The following PHTF2 variants were observed in gnomAD, a reference collection of about 807,000 sequenced individuals.
The protein encoded by PHTF2 is putative homeodomain transcription factor 2.
PHTF2 carries 60 observed loss-of-function variants against 101.2 expected under a neutral mutation model. That is an observed-to-expected ratio of 0.59 (90% CI 0.48 to 0.73). The LOEUF (loss-of-function observed/expected upper bound fraction) is 0.73, where lower values mean the gene tolerates loss of function less well. Among genes scored for constraint, PHTF2 ranks in the 30% least tolerant of loss-of-function variants. The probability of loss-of-function intolerance (pLI) is 0.00; values close to 1 mark genes in which losing one functional copy is unlikely to be tolerated. For synonymous variants in PHTF2, 311 were observed against 307.3 expected, an observed-to-expected ratio of 1.01 and a Z score of -0.13; for missense variants, 747 against 908.7, an observed-to-expected ratio of 0.82 and a Z score of 2.29.
At chr7:77,914,084 A>G (rs150191023) in intron 9 of PHTF2, among the ~76,000 whole-genome samples, 1 of 146,546 alleles carries the variant, frequency 6.8e-6, no homozygotes, top group African/African-American at 2.5e-5. Context: ...AAAAAAAAGG[A>G]AAAAAAAAAG....
exon 9 of PHTF2, chr7:77,910,397 T>G: frequency 6.2e-7 from 1 of 1,612,084 alleles, no homozygotes; most frequent in Non-Finnish European, 8.5e-7. Flanking sequence ...CATGCTGCTT[T>G]CTTTTTATCA....
chr7:77,955,498 G>A (rs1275970767), exon 20 of PHTF2: 1 of 152,500 alleles, frequency 6.6e-6, no homozygotes, highest in Non-Finnish European at 1.5e-5. Context: ...TTACCATACT[G>A]TAAGATATTT....
At chr7:77,834,184 C>A (rs527907916) in intron 1 of PHTF2, among the ~76,000 whole-genome samples, 2 of 151,932 alleles carry the variant, frequency 1.3e-5, no homozygotes, top group Non-Finnish European at 2.9e-5. Context: ...CATCATGGTA[C>A]ATGCCTATAG....
intron 11 of PHTF2, chr7:77,923,317 G>C: frequency 2.1e-6 from 2 of 942,758 alleles, no homozygotes; most frequent in Non-Finnish European, 2.5e-6. Flanking sequence ...TGTATTTTCA[G>C]TTTCTAATCT....
At chr7:77,836,811 C>G (rs1795508476) in intron 1 of PHTF2, among the ~76,000 whole-genome samples, 1 of 151,322 alleles carries the variant, frequency 6.6e-6, no homozygotes, top group Non-Finnish European at 1.5e-5. Context: ...TACACCAGGG[C>G]CGGTCGGGGT....
At chr7:77,903,014 A>C (rs1210870644) in intron 7 of PHTF2, among the ~76,000 whole-genome samples, 3 of 152,152 alleles carry the variant, frequency 2.0e-5, no homozygotes, top group Admixed American at 6.5e-5. Context: ...GAAAAAAAGA[A>C]CTACCCATCA....
intron 3 of PHTF2, among the ~76,000 whole-genome samples, chr7:77,874,960 A>C (rs150268823): frequency 1.6e-3 from 250 of 152,250 alleles, no homozygotes; most frequent in South Asian, 2.3e-3. Flanking sequence ...AGAGTCCTCT[A>C]TTCTGTTCCA....
intron 1 of PHTF2, among the ~76,000 whole-genome samples, chr7:77,838,872 T>C (rs1485847747): frequency 6.6e-6 from 1 of 152,242 alleles, no homozygotes; most frequent in East Asian, 1.9e-4. Flanking sequence ...TAAAATAATT[T>C]GGTTTATAAC....
At chr7:77,878,583 G>A (rs1300925960) in intron 3 of PHTF2, among the ~76,000 whole-genome samples, 1 of 152,164 alleles carries the variant, frequency 6.6e-6, no homozygotes, top group Non-Finnish European at 1.5e-5. Flanking sequence ...GGAGGCTGTA[G>A]TTTTGGGAAG....
At chr7:77,921,107 T>C (rs1436013455) in intron 10 of PHTF2, among the ~76,000 whole-genome samples, 1 of 152,244 alleles carries the variant, frequency 6.6e-6, no homozygotes, top group Non-Finnish European at 1.5e-5. Flanking sequence ...TTCAGGAAGC[T>C]GAACAGGGAA....
intron 1 of PHTF2, among the ~76,000 whole-genome samples, chr7:77,822,698 G>T (rs1009041867): frequency 4.6e-5 from 7 of 152,082 alleles, no homozygotes; most frequent in Non-Finnish European, 8.8e-5. Context: ...GGGCTGCAGT[G>T]GCCAGGTACT....
intron 1 of PHTF2, among the ~76,000 whole-genome samples, chr7:77,839,665 T>A (rs1447144207): frequency 6.6e-6 from 1 of 152,220 alleles, no homozygotes; most frequent in Non-Finnish European, 1.5e-5. Flanking sequence ...ATCTGGGAAG[T>A]CTTTAGTGTT....
rs537731855 is a variant in PHTF2, at chr7:77,917,965, TGAG to T, written c.777-2310_777-2308del. 2.5e-3 allele frequency among the ~76,000 whole-genome samples: 380 copies of T among 152,268 alleles called. 1 individual carries two copies. The highest frequency in any genetic ancestry group is 4.4e-3 in the Non-Finnish European group (299 of 68,010). ...TCTGCTGAGAGTGTAGCATGAACTTTGAGGAGATAGTGGGGAGAGAAACAACCC... is the reference window on the plus strand; with the variant it reads ...TCTGCTGAGAGTGTAGCATGAACTTTGAGATAGTGGGGAGAGAAACAACCC... On this transcript the variant is annotated intron_variant, in intron 9 of 19. Coordinates refer to ENST00000416283, the Ensembl canonical transcript of PHTF2.
At chr7:77,863,215 A>G (rs1339501625) in intron 3 of PHTF2, among the ~76,000 whole-genome samples, 1 of 152,184 alleles carries the variant, frequency 6.6e-6, no homozygotes, top group Non-Finnish European at 1.5e-5. Context: ...CGAATTACAA[A>G]GAGTTCTGGT....
chr7:77,848,803 C>T (rs540658764), intron 2 of PHTF2, among the ~76,000 whole-genome samples: 1 of 152,206 alleles, frequency 6.6e-6, no homozygotes, highest in South Asian at 2.1e-4. Flanking sequence ...TGGAGAGTTT[C>T]CCCAATGTTT....
intron 16 of PHTF2, among the ~76,000 whole-genome samples, chr7:77,946,475 C>T (rs1806058089): frequency 6.6e-6 from 1 of 152,016 alleles, no homozygotes; most frequent in Non-Finnish European, 1.5e-5. Flanking sequence ...GAAAAACAAT[C>T]GTAAACTATA....
chr7:77,907,865 C>T (rs947586832), intron 7 of PHTF2: 1 of 152,106 alleles, frequency 6.6e-6, no homozygotes, highest in Non-Finnish European at 1.5e-5. Flanking sequence ...TACTCCTTGG[C>T]CCTGGATTCA....
At chr7:77,947,837 CTTT>C (rs71082798) in intron 16 of PHTF2, among the ~76,000 whole-genome samples, 4 of 73,804 alleles carry the variant, frequency 5.4e-5, no homozygotes, top group South Asian at 5.0e-4. Context: ...TTTTTTCTTT[CTTT>C]TTTTTTTTTT....
At chr7:77,921,587 ATGAATGTAG>A (rs1050474173) in intron 10 of PHTF2, among the ~76,000 whole-genome samples, 2 of 152,216 alleles carry the variant, frequency 1.3e-5, no homozygotes, top group Non-Finnish European at 2.9e-5. Flanking sequence ...TGGGCCTGCA[ATGAATGTAG>A]TCCCTTACTC....
Sources: allele counts gnomAD v4.1 joint callset (sites outside exome capture counted in the v4.1 genomes callset), GRCh38; gene constraint gnomAD v4.1.1; transcripts MANE v1.5; gene names NCBI Gene and HGNC (gene_info 2026-07-23, HGNC 2026-07-21).